TIAM1: variants seen among roughly 807,000 people sequenced by gnomAD.
TIAM1 encodes the protein rho guanine nucleotide exchange factor TIAM1.
Under a neutral mutation model 163.5 loss-of-function variants are expected in TIAM1, and 65 were observed. The ratio of observed to expected loss-of-function variants is 0.40; its 90% CI spans 0.33 to 0.49. The LOEUF (loss-of-function observed/expected upper bound fraction) is 0.49. Ranked by LOEUF, TIAM1 falls within the 20% of genes least tolerant of loss-of-function variation. The probability of loss-of-function intolerance (pLI) is 0.77; values close to 1 mark genes in which losing one functional copy is unlikely to be tolerated. For synonymous variants in TIAM1, 833 were observed against 810.1 expected (o/e 1.03, Z -0.48); for missense variants, 1,789 against 2,044.7 (o/e 0.87, Z 2.41).
rs569862152 is a variant in TIAM1, at chr21:31,164,276, G to C, written c.2991+686C>G. Among the ~76,000 whole-genome samples the C allele has an allele frequency of 2.1e-4, 32 of 152,094 alleles. 1 individual carries two copies. The East Asian group carries it at 5.8e-3, about 28-fold the overall frequency. Reference sequence around the variant, plus strand: ...GTGGTGGCGGGTGCCTGTAGTCCTAGCTACTCGGGAGGCTGAGGCAGAAGA... The same window carrying C: ...GTGGTGGCGGGTGCCTGTAGTCCTACCTACTCGGGAGGCTGAGGCAGAAGA... On this transcript the variant is annotated intron_variant, in intron 16 of 27. Transcript: ENST00000541036.
At chr21:31,429,538 C>G (rs2043922034) in intron 2 of TIAM1, among the ~76,000 whole-genome samples, 1 of 152,180 alleles carries the variant, frequency 6.6e-6, no homozygotes, top group South Asian at 2.1e-4. Context: ...GCCACTGTAG[C>G]TAAGTGGGAC....
chr21:31,382,218 CT>C (rs1250755324), intron 2 of TIAM1, among the ~76,000 whole-genome samples: 2 of 152,224 alleles, frequency 1.3e-5, no homozygotes, highest in Non-Finnish European at 2.9e-5. Flanking sequence ...CCAGAGACCT[CT>C]GGGGCTAGAT....
chr21:31,228,245 A>AAAAATCTGATAAGGATTTTTCCTTT (rs1555897903), intron 6 of TIAM1, among the ~76,000 whole-genome samples: 7 of 67,086 alleles, frequency 1.0e-4, no homozygotes, highest in Non-Finnish European at 2.3e-4. Flanking sequence ...AAAAAAAAAA[A>AAAAATCTGATAAGGATTTTTCCTTT]AAAAAAAAAA....
At chr21:31,376,958 A>G (rs2076697291) in intron 2 of TIAM1, among the ~76,000 whole-genome samples, 1 of 151,740 alleles carries the variant, frequency 6.6e-6, no homozygotes, top group African/African-American at 2.4e-5. Context: ...TCCCGGGTTC[A>G]AGCAATTCTC....
intron 4 of TIAM1, among the ~76,000 whole-genome samples, chr21:31,256,696 A>G (rs1278725455): frequency 6.6e-6 from 1 of 151,252 alleles, no homozygotes; most frequent in African/African-American, 2.4e-5. Context: ...TGATAATCTC[A>G]GTACAGCAAG....
At position 31,266,990 on chromosome 21, in the gene TIAM1, C is replaced by T. The variant is rs1333768027; in HGVS notation, c.-11-7G>A. ...TTTCCCATGGTTTTATGGTCTGCAG[C>T]AAAGCGGGGGGAAAGGGGAGAATTG... On this transcript the variant is annotated splice_region_variant and splice_polypyrimidine_tract_variant and intron_variant, in intron 3 of 27. Transcript: ENST00000541036. 6.3e-7 allele frequency: 1 copy of T among 1,581,926 alleles called. No individual in the cohort carries two copies. The highest frequency in any genetic ancestry group is 1.3e-5 in the African/African-American group (1 of 74,372).
chr21:31,328,482 C>T (rs2075567196), intron 2 of TIAM1, among the ~76,000 whole-genome samples: 1 of 152,110 alleles, frequency 6.6e-6, no homozygotes, highest in African/African-American at 2.4e-5. Context: ...ATGATCCTCC[C>T]ACCTCAGCCT....
At chr21:31,469,145 C>T (rs976984266) in intron 1 of TIAM1, among the ~76,000 whole-genome samples, 4 of 144,684 alleles carry the variant, frequency 2.8e-5, no homozygotes, top group African/African-American at 2.6e-5. Flanking sequence ...TACAGTGGCA[C>T]GATCATAGTT....
chr21:31,160,748 C>G (rs1265436394), intron 16 of TIAM1: 1 of 370,464 alleles, frequency 2.7e-6, no homozygotes, highest in Non-Finnish European at 4.8e-6. Flanking sequence ...GAGCTGCACT[C>G]GCTTCCCACC....
intron 26 of TIAM1, 68 bp from the exon 27 acceptor site, chr21:31,124,762 C>G: frequency 2.3e-6 from 3 of 1,330,520 alleles, no homozygotes; most frequent in Non-Finnish European, 3.0e-6. Context: ...CTAAGGTTAT[C>G]AGGTGCAACC....
chr21:31,261,262 CT>C (rs397792273), intron 4 of TIAM1, among the ~76,000 whole-genome samples: 266 of 136,822 alleles, frequency 1.9e-3, no homozygotes, highest in Non-Finnish European at 2.2e-3. Context: ...CAGCCAAGTC[CT>C]TTTTTTTTTT....
At chr21:31,437,859 A>T (rs547612299) in intron 2 of TIAM1, among the ~76,000 whole-genome samples, 2 of 152,316 alleles carry the variant, frequency 1.3e-5, no homozygotes, top group East Asian at 3.9e-4. Context: ...TCTCTTTATA[A>T]ATTACCAAAT....
At chr21:31,361,826 A>T (rs887137874) in intron 2 of TIAM1, among the ~76,000 whole-genome samples, 3 of 142,814 alleles carry the variant, frequency 2.1e-5, no homozygotes, top group Non-Finnish European at 4.6e-5. Flanking sequence ...GATTCCTTTG[A>T]GGAAGAAAGA....
chr21:31,130,078 A>G (rs1372088066), intron 25 of TIAM1, 135 bp downstream of exon 25: 4 of 662,362 alleles, frequency 6.0e-6, no homozygotes, highest in Middle Eastern at 3.1e-4. Context: ...ACCGAGAGAC[A>G]AGAGAGTTAA....
intron 15 of TIAM1, among the ~76,000 whole-genome samples, chr21:31,181,791 T>C (rs2085039700): frequency 1.1e-5 from 1 of 94,448 alleles, no homozygotes; most frequent in African/African-American, 4.8e-5. Flanking sequence ...TTTTTTTTTT[T>C]TTTTTTTTTT....
chr21:31,263,889 G>A (rs1296562638), intron 4 of TIAM1, among the ~76,000 whole-genome samples: 1 of 152,182 alleles, frequency 6.6e-6, no homozygotes, highest in Non-Finnish European at 1.5e-5. Flanking sequence ...CCTTTCAGGT[G>A]ACTCTTTAAT....
intron 4 of TIAM1, among the ~76,000 whole-genome samples, chr21:31,260,183 A>C (rs1479984928): frequency 6.8e-6 from 1 of 147,274 alleles, no homozygotes; most frequent in African/African-American, 2.5e-5. Context: ...TAATATAAAT[A>C]AATAAATAAA....
Position 31,266,826 on chromosome 21 carries a change from G to A in TIAM1, c.147C>T (p.His49=), listed in dbSNP as rs1419688290. ...TRHASSGKVI[H]RNSEVSTRSS... Reference sequence around the variant, plus strand: ...ATCGGGTGCTCACTTCGGAGTTCCTGTGGATCACCTTCCCCGAGGAAGCGT... The same window carrying A: ...ATCGGGTGCTCACTTCGGAGTTCCTATGGATCACCTTCCCCGAGGAAGCGT... The change falls in exon 4 of 28, where the codon CAC becomes CAT. Residue 49 remains histidine (H), a synonymous_variant. Transcript: ENST00000541036. The A allele has an allele frequency of 6.2e-7, 1 of 1,614,096 alleles. No homozygotes were observed. The highest frequency in any genetic ancestry group is 8.5e-7 in the Non-Finnish European group (1 of 1,180,042).
intron 3 of TIAM1, among the ~76,000 whole-genome samples, chr21:31,275,811 A>G (rs975304526): frequency 2.0e-5 from 3 of 152,154 alleles, no homozygotes. Context: ...ATTCAAGTTA[A>G]CTGTGAAAGC....
Sources: allele counts gnomAD v4.1 joint callset (sites outside exome capture counted in the v4.1 genomes callset), GRCh38; gene constraint gnomAD v4.1.1; transcripts MANE v1.5; gene names NCBI Gene and HGNC (gene_info 2026-07-23, HGNC 2026-07-21).